STXBP5: variants seen among roughly 807,000 people sequenced by gnomAD.
The protein encoded by STXBP5 is syntaxin binding protein 5.
Under a neutral mutation model 152.4 loss-of-function variants are expected in STXBP5, and 50 were observed. The observed-to-expected ratio is 0.33, with a 90% CI of 0.26 to 0.42. The LOEUF (loss-of-function observed/expected upper bound fraction) is 0.42. Among genes scored for constraint, STXBP5 ranks in the 10% least tolerant of loss-of-function variants. The pLI, the probability that STXBP5 is intolerant of heterozygous loss-of-function variation, is 1.00. For missense variants in STXBP5, 1,167 were observed against 1,388.6 expected, an observed-to-expected ratio of 0.84 and a Z score of 2.54; for synonymous variants, 492 against 494.7, an observed-to-expected ratio of 0.99 and a Z score of 0.07.
At chr6:147,330,176 G>A (rs761879529) in intron 18 of STXBP5, among the ~76,000 whole-genome samples, 40 of 152,150 alleles carry the variant, frequency 2.6e-4, no homozygotes, top group African/African-American at 8.4e-4. Flanking sequence ...TCAGCTACCC[G>A]TATATCTGCT....
chr6:147,353,922 A>C (rs1033932052), intron 22 of STXBP5, among the ~76,000 whole-genome samples: 1 of 152,196 alleles, frequency 6.6e-6, no homozygotes, highest in Non-Finnish European at 1.5e-5. Context: ...ATTTTGCTTT[A>C]TATCTAACCC....
intron 25 of STXBP5, among the ~76,000 whole-genome samples, chr6:147,365,259 T>C (rs1383013169): frequency 6.6e-6 from 1 of 152,218 alleles, no homozygotes. Flanking sequence ...CATTTATGTT[T>C]GGGTGAAAGT....
chr6:147,363,426 A>G lies in STXBP5; in HGVS notation c.2637A>G (p.Arg879=). The G allele has an allele frequency of 6.2e-7, 1 of 1,614,200 alleles. No individual in the cohort carries two copies. Among genetic ancestry groups the G allele is most frequent in the Non-Finnish European group, 8.5e-7 (1 of 1,180,036 alleles). The change falls in exon 24 of 28, where the codon AGA becomes AGG. Residue 879 remains arginine (R), a synonymous_variant. Coordinates refer to ENST00000321680, the MANE Select transcript of STXBP5 (RefSeq NM_001127715.4). ...TACCACCTGCGTATGAACCCTGGAGAGAGCACAATGTTCCTGAAGAAAAAG... is the reference window on the plus strand; with the variant it reads ...TACCACCTGCGTATGAACCCTGGAGGGAGCACAATGTTCCTGAAGAAAAAG... ...CLIPPAYEPW[R]EHNVPEEKDE... is the part of the protein sequence containing the mutation.
chr6:147,266,837 T>A (rs193143266), intron 6 of STXBP5, among the ~76,000 whole-genome samples: 8 of 152,228 alleles, frequency 5.3e-5, no homozygotes, highest in Non-Finnish European at 1.2e-4. Context: ...GACTTCAAAA[T>A]GGTACTGTTT....
intron 13 of STXBP5, 89 bp downstream of exon 13, chr6:147,314,420 T>C: frequency 1.5e-6 from 2 of 1,340,592 alleles, no homozygotes; most frequent in Non-Finnish European, 1.1e-6. Flanking sequence ...ACTGGACAGG[T>C]AGAGCTTTCC....
intron 4 of STXBP5, among the ~76,000 whole-genome samples, chr6:147,247,008 G>A (rs1778842484): frequency 6.6e-6 from 1 of 152,152 alleles, no homozygotes; most frequent in African/African-American, 2.4e-5. Flanking sequence ...TTACAGTACT[G>A]TGCTTTGCAT....
chr6:147,364,577 A>G (rs543584559), intron 25 of STXBP5, among the ~76,000 whole-genome samples: 8 of 152,226 alleles, frequency 5.3e-5, no homozygotes, highest in Admixed American at 5.2e-4. Context: ...GGATATTTAC[A>G]CAGAAGAAAA....
Position 147,386,713 on chromosome 6 carries a change from A to G in STXBP5, c.*1958A>G, listed in dbSNP as rs1211001314. ...TAAACCCATAGTTCCATGATATGTC[A>G]CAGGAATTGTTAGGTCCTATTTTAA... On this transcript the variant is annotated 3_prime_UTR_variant, in exon 28 of 28. Coordinates refer to ENST00000321680, the MANE Select transcript of STXBP5 (RefSeq NM_001127715.4). The G allele has an allele frequency of 1.3e-5, 2 of 151,816 alleles. No homozygotes were observed. The highest frequency in any genetic ancestry group is 3.0e-5 in the Non-Finnish European group (2 of 67,782). 9.4% of individuals were successfully genotyped at this position (151,816 alleles called of 1,614,324 possible).
At chr6:147,344,574 T>C (rs1306887841) in intron 21 of STXBP5, among the ~76,000 whole-genome samples, 1 of 152,206 alleles carries the variant, frequency 6.6e-6, no homozygotes, top group Non-Finnish European at 1.5e-5. Context: ...GACAGCTGCA[T>C]TCTCATTGTA....
intron 18 of STXBP5, among the ~76,000 whole-genome samples, chr6:147,332,599 G>A (rs1783630778): frequency 6.6e-6 from 1 of 152,132 alleles, no homozygotes; most frequent in African/African-American, 2.4e-5. Context: ...AGAAGAGAGA[G>A]TACCAGTGGT....
At chr6:147,339,523 C>G in intron 21 of STXBP5, 139 bp downstream of exon 21, 1 of 577,122 alleles carries the variant, frequency 1.7e-6, no homozygotes, top group Non-Finnish European at 2.8e-6. Context: ...TGGGCTGTGT[C>G]TCTTCTAAAC....
At position 147,389,517 on chromosome 6, in the gene STXBP5, T is replaced by C. The variant is rs1786493943; in HGVS notation, c.*4762T>C. The C allele has an allele frequency of 6.6e-6, 1 of 151,804 alleles. No individual in the cohort carries two copies. The allele number at this position is 151,804 out of a possible 1,614,324, so 9.4% of individuals were successfully genotyped here. ...TATTTTATTCTTTACATCAGAAAAA[T>C]CATGAATGTCAGTTTTGCCAGTATT... On this transcript the variant is annotated 3_prime_UTR_variant, in exon 28 of 28. Coordinates refer to ENST00000321680, the MANE Select transcript of STXBP5 (RefSeq NM_001127715.4).
chr6:147,235,241 T>C lies in STXBP5; in HGVS notation c.249-9T>C, dbSNP rs758670059. Reference sequence around the variant, plus strand: ...AATACCATAAACTCCTTAATGGAATTAATTACAGCTTTGGTCGTCCAGGAG... The same window carrying C: ...AATACCATAAACTCCTTAATGGAATCAATTACAGCTTTGGTCGTCCAGGAG... On this transcript the variant is annotated splice_polypyrimidine_tract_variant and intron_variant, in intron 2 of 27. Transcript: ENST00000321680. 5.6e-6 allele frequency: 9 copies of C among 1,612,788 alleles called. No homozygotes were observed. In the South Asian group the frequency reaches 9.9e-5, roughly 18 times the overall value.
chr6:147,286,737 C>T (rs541479294), intron 8 of STXBP5, among the ~76,000 whole-genome samples: 45 of 152,006 alleles, frequency 3.0e-4, no homozygotes, highest in African/African-American at 7.0e-4. Context: ...ACCAAAAAGA[C>T]GGATAGTTTT....
chr6:147,248,817 G>A (rs1026167546), intron 4 of STXBP5, among the ~76,000 whole-genome samples: 5 of 152,112 alleles, frequency 3.3e-5, no homozygotes, highest in Admixed American at 1.3e-4. Context: ...CTTAAAATAC[G>A]AAGATGATCC....
At chr6:147,379,895 T>A (rs1273145140) in intron 26 of STXBP5, among the ~76,000 whole-genome samples, 1 of 151,968 alleles carries the variant, frequency 6.6e-6, no homozygotes, top group Non-Finnish European at 1.5e-5. Context: ...TATAGCAGTA[T>A]CAAAAAATAA....
intron 9 of STXBP5, among the ~76,000 whole-genome samples, chr6:147,308,932 T>C (rs1458374285): frequency 6.6e-6 from 1 of 152,124 alleles, no homozygotes. Context: ...TTACTAAGGA[T>C]GTGCTGAGCC....
intron 11 of STXBP5, among the ~76,000 whole-genome samples, chr6:147,312,072 A>G (rs1337155431): frequency 6.6e-6 from 1 of 152,186 alleles, no homozygotes; most frequent in Non-Finnish European, 1.5e-5. Context: ...CCTTAGGAAA[A>G]CAGAACTATG....
chr6:147,361,583 G>A (rs1015618583), intron 23 of STXBP5, among the ~76,000 whole-genome samples: 3 of 152,076 alleles, frequency 2.0e-5, no homozygotes, highest in African/African-American at 7.2e-5. Context: ...TACTTTGTCT[G>A]CTGTTATTTT....
Sources: allele counts gnomAD v4.1 joint callset (sites outside exome capture counted in the v4.1 genomes callset), GRCh38; gene constraint gnomAD v4.1.1; transcripts MANE v1.5; gene names NCBI Gene and HGNC (gene_info 2026-07-23, HGNC 2026-07-21).